Variants in C1orf94 observed in about 807,000 individuals in gnomAD.
C1orf94 encodes the protein uncharacterized protein C1orf94.
C1orf94 carries 45 observed loss-of-function variants against 53.6 expected under a neutral mutation model. The observed-to-expected ratio is 0.84, with a 90% confidence interval of 0.66 to 1.08. The LOEUF is 1.08. C1orf94 is among the 50% of genes least tolerant of loss of function. The pLI is 0.00. For missense variants in C1orf94, 762 were observed against 738.9 expected, an observed-to-expected ratio of 1.03 and a Z score of -0.36; for synonymous variants, 304 against 296.1, an observed-to-expected ratio of 1.03 and a Z score of -0.27.
intron 5 of C1orf94, 93 bp from the exon 6 acceptor site, chr1:34,212,116 AG>A: frequency 8.8e-7 from 1 of 1,136,814 alleles, no homozygotes; most frequent in Non-Finnish European, 1.2e-6. Flanking sequence ...GCAGTGACTG[AG>A]GAGCACAGGG....
chr1:34,215,633 G>A (rs1477542387), intron 6 of C1orf94, among the ~76,000 whole-genome samples: 1 of 152,178 alleles, frequency 6.6e-6, no homozygotes, highest in Non-Finnish European at 1.5e-5. Context: ...GGTTGAATGT[G>A]TGATGAGGGA....
chr1:34,192,286 C>T (rs1363064325), intron 1 of C1orf94, among the ~76,000 whole-genome samples: 2 of 152,258 alleles, frequency 1.3e-5, no homozygotes, highest in East Asian at 1.9e-4. Flanking sequence ...AAGGTCAATG[C>T]GGGTTCTGTG....
rs149949586 is a variant in C1orf94, at chr1:34,205,009, C to T, written c.1446+2750C>T. Among the ~76,000 whole-genome samples, 11 of 152,330 alleles carry T rather than the reference C, an allele frequency of 7.2e-5. No homozygotes were observed. In the East Asian group the frequency reaches 2.1e-3, roughly 29 times the overall value. ...TACAAGTCGATTCACTCTAAAATGC[C>T]CTCACAGAGCTCACCGTGTAAAACT... is the stretch of plus-strand genomic sequence containing the variant. On this transcript the variant is annotated intron_variant, in intron 4 of 6. Transcript: ENST00000488417.
chr1:34,198,880 G>C (rs1383196826), intron 2 of C1orf94, among the ~76,000 whole-genome samples: 5 of 152,188 alleles, frequency 3.3e-5, no homozygotes, highest in Non-Finnish European at 7.3e-5. Context: ...GGAGCTGTAG[G>C]AGAGAGACGG....
chr1:34,198,128 A>C (rs1642635016), intron 2 of C1orf94, among the ~76,000 whole-genome samples: 1 of 152,278 alleles, frequency 6.6e-6, no homozygotes, highest in Non-Finnish European at 1.5e-5. Flanking sequence ...TTTTGTAAGC[A>C]AACCCAGAGG....
At chr1:34,182,401 AG>A (rs1642324190) in intron 1 of C1orf94, among the ~76,000 whole-genome samples, 1 of 152,098 alleles carries the variant, frequency 6.6e-6, no homozygotes, top group African/African-American at 2.4e-5. Context: ...ACACTTTTGC[AG>A]GTTTTTAGGA....
chr1:34,192,058 C>T (rs1642502079), intron 1 of C1orf94, among the ~76,000 whole-genome samples: 1 of 152,180 alleles, frequency 6.6e-6, no homozygotes. Flanking sequence ...CTGGGTTAAC[C>T]TCCCTGAATG....
At chr1:34,189,887 G>A (rs768082921) in intron 1 of C1orf94, among the ~76,000 whole-genome samples, 9 of 152,232 alleles carry the variant, frequency 5.9e-5, no homozygotes, top group East Asian at 1.9e-4. Flanking sequence ...AAGGTCACCC[G>A]TCAGAAAGGA....
intron 1 of C1orf94, among the ~76,000 whole-genome samples, chr1:34,183,991 A>G (rs1642348122): frequency 6.6e-6 from 1 of 152,186 alleles, no homozygotes. Flanking sequence ...ACAACACACT[A>G]TAGTAAGTGT....
At chr1:34,217,746 C>T (rs1643013765) in intron 6 of C1orf94, among the ~76,000 whole-genome samples, 1 of 152,204 alleles carries the variant, frequency 6.6e-6, no homozygotes, top group South Asian at 2.1e-4. Context: ...CCCTCCTCTG[C>T]TCCCGCTTTT....
chr1:34,178,256 T>C (rs1642260528), intron 1 of C1orf94, 147 bp downstream of exon 1: 1 of 906,146 alleles, frequency 1.1e-6, no homozygotes, highest in Non-Finnish European at 1.6e-6. Flanking sequence ...GTCCAAGCTT[T>C]ATAGAAGAGC....
At chr1:34,200,282 T>C (rs1282683380) in intron 2 of C1orf94, among the ~76,000 whole-genome samples, 2 of 152,144 alleles carry the variant, frequency 1.3e-5, no homozygotes, top group Non-Finnish European at 2.9e-5. Flanking sequence ...GTCCACAACA[T>C]CCTTGTTTTC....
At chr1:34,169,278 C>CT (rs1642102159) in intron 1 of C1orf94, among the ~76,000 whole-genome samples, 2 of 152,128 alleles carry the variant, frequency 1.3e-5, no homozygotes, top group African/African-American at 4.8e-5. Flanking sequence ...AACAGCCTAC[C>CT]CGCATCTAGC....
intron 5 of C1orf94, among the ~76,000 whole-genome samples, chr1:34,211,445 C>T (rs775142289): frequency 1.3e-5 from 2 of 152,098 alleles, no homozygotes; most frequent in Non-Finnish European, 2.9e-5. Flanking sequence ...GAGTTCATCA[C>T]GGGCAATCTC....
chr1:34,191,990 G>A (rs1232855897), intron 1 of C1orf94, among the ~76,000 whole-genome samples: 4 of 152,162 alleles, frequency 2.6e-5, no homozygotes, highest in Non-Finnish European at 2.9e-5. Context: ...GTGGCACCGC[G>A]TGGAGCTGGA....
Position 34,212,390 on chromosome 1 carries a change from T to C in C1orf94, c.1705T>C (p.Phe569Leu). The C allele has an allele frequency of 1.2e-6, 2 of 1,611,298 alleles. No homozygotes were observed. The highest frequency in any genetic ancestry group is 2.2e-5 in the East Asian group (1 of 44,744). ...GGCAGGAGATGGACCGCAGTACCTC[T>C]TTCCCCAAGGATATGGGTGAGTCAG... ...LMAGDGPQYLFPQGYGFGSTS... is the reference protein window; with the variant it reads ...LMAGDGPQYLLPQGYGFGSTS... The change falls in exon 6 of 7, where the codon TTT becomes CTT. Residue 569 changes from phenylalanine (F) to leucine (L), a missense_variant. Physicochemically the swap from Phe to Leu is conservative, Grantham distance 22 (BLOSUM62 0). Transcript: ENST00000488417.
intron 1 of C1orf94, among the ~76,000 whole-genome samples, chr1:34,189,142 T>G (rs1244099321): frequency 5.4e-5 from 8 of 149,242 alleles, no homozygotes; most frequent in Non-Finnish European, 1.2e-4. Flanking sequence ...TGTGTGTGTA[T>G]GGATGTGTGT....
At chr1:34,208,672 C>G (rs188647054) in intron 5 of C1orf94, among the ~76,000 whole-genome samples, 3 of 152,164 alleles carry the variant, frequency 2.0e-5, no homozygotes, top group Non-Finnish European at 4.4e-5. Context: ...ATTTCTTGCT[C>G]GGGTCTATGG....
chr1:34,199,037 G>A lies in C1orf94; in HGVS notation c.1009+1124G>A, dbSNP rs115484020. Among the ~76,000 whole-genome samples, 788 of 145,774 alleles carry A rather than the reference G, an allele frequency of 5.4e-3. 5 individuals carry two copies. Among genetic ancestry groups the A allele is most frequent in the African/African-American group, 0.019 (739 of 39,572 alleles). ...ACCATTGGTGCATGTCTGTGTGTAC[G>A]AATGTGTGAGCAAAAGTGTGCCAAA... On this transcript the variant is annotated intron_variant, in intron 2 of 6. Transcript: ENST00000488417.
Sources: allele counts gnomAD v4.1 joint callset (sites outside exome capture counted in the v4.1 genomes callset), GRCh38; gene constraint gnomAD v4.1.1; transcripts MANE v1.5; gene names NCBI Gene and HGNC (gene_info 2026-07-23, HGNC 2026-07-21).